The following SPATA17 variants were observed in gnomAD, a reference collection of about 807,000 sequenced individuals.
SPATA17 encodes spermatogenesis associated 17, also known as spermatogenesis-associated protein 17.
SPATA17 carries 53 observed loss-of-function variants against 62.2 expected under a neutral mutation model. The ratio of observed to expected loss-of-function variants is 0.85; its 90% CI spans 0.68 to 1.07. The LOEUF is 1.07. Ranked by LOEUF, SPATA17 falls within the 50% of genes least tolerant of loss-of-function variation. The pLI is 0.00. For missense variants in SPATA17, 466 were observed against 425.5 expected (o/e 1.10, Z -0.84); for synonymous variants, 146 against 146.8 (o/e 0.99, Z 0.04).
intron 9 of SPATA17, among the ~76,000 whole-genome samples, chr1:217,822,542 TA>T (rs1674889088): frequency 2.0e-5 from 3 of 150,702 alleles, no homozygotes; most frequent in African/African-American, 7.3e-5. Context: ...GGAAAAATCT[TA>T]GCCACTATAT....
intron 1 of SPATA17, among the ~76,000 whole-genome samples, chr1:217,639,782 G>A (rs895011437): frequency 6.6e-6 from 1 of 151,944 alleles, no homozygotes; most frequent in Non-Finnish European, 1.5e-5. Flanking sequence ...CATAATAGAG[G>A]TTCTTTTTCC....
chr1:217,748,029 C>T (rs939337854), intron 6 of SPATA17, among the ~76,000 whole-genome samples: 9 of 151,994 alleles, frequency 5.9e-5, no homozygotes, highest in South Asian at 2.1e-4. Flanking sequence ...CTTGGCCGGG[C>T]GCGGTGGCTC....
At chr1:217,754,612 T>A (rs1391759692) in intron 6 of SPATA17, among the ~76,000 whole-genome samples, 3 of 152,186 alleles carry the variant, frequency 2.0e-5, no homozygotes, top group Non-Finnish European at 4.4e-5. Context: ...CAGGTTATGA[T>A]TTATCCTAGC....
chr1:217,636,324 G>A (rs1669939952), intron 1 of SPATA17, among the ~76,000 whole-genome samples: 1 of 152,170 alleles, frequency 6.6e-6, no homozygotes, highest in Non-Finnish European at 1.5e-5. Context: ...TGACTTTGTT[G>A]AGAAAATATA....
At chr1:217,753,359 C>T (rs1672961349) in intron 6 of SPATA17, among the ~76,000 whole-genome samples, 1 of 152,170 alleles carries the variant, frequency 6.6e-6, no homozygotes, top group African/African-American at 2.4e-5. Flanking sequence ...TAATCATCGG[C>T]ACACCAGATT....
At chr1:217,669,287 TA>T (rs1670782209) in intron 4 of SPATA17, among the ~76,000 whole-genome samples, 1 of 152,198 alleles carries the variant, frequency 6.6e-6, no homozygotes, top group African/African-American at 2.4e-5. Context: ...CATGTAATTA[TA>T]AATGCTTATG....
At chr1:217,775,844 G>T (rs1023288900) in intron 7 of SPATA17, among the ~76,000 whole-genome samples, 8 of 151,810 alleles carry the variant, frequency 5.3e-5, no homozygotes, top group African/African-American at 1.9e-4. Context: ...ATATACCAAA[G>T]AAGTGAACAA....
At chr1:217,820,870 T>TA (rs1674840430) in intron 9 of SPATA17, among the ~76,000 whole-genome samples, 1 of 152,078 alleles carries the variant, frequency 6.6e-6, no homozygotes, top group Admixed American at 6.6e-5. Flanking sequence ...AAGACGCTTA[T>TA]TTAGCTCATA....
At chr1:217,712,661 T>G (rs952876557) in intron 5 of SPATA17, among the ~76,000 whole-genome samples, 3 of 152,000 alleles carry the variant, frequency 2.0e-5, no homozygotes, top group Non-Finnish European at 2.9e-5. Flanking sequence ...TTAACTTTCA[T>G]GAAATATTTC....
chr1:217,769,736 G>A (rs1431315610), intron 6 of SPATA17, among the ~76,000 whole-genome samples: 1 of 152,186 alleles, frequency 6.6e-6, no homozygotes. Context: ...GTTCTGACCA[G>A]ATGTATCCTT....
At chr1:217,731,558 C>T (rs1331459589) in intron 5 of SPATA17, among the ~76,000 whole-genome samples, 1 of 152,150 alleles carries the variant, frequency 6.6e-6, no homozygotes, top group East Asian at 1.9e-4. Context: ...GTCTGTTCTC[C>T]CTACTGCTGC....
chr1:217,727,258 A>ATAG (rs1672284572), intron 5 of SPATA17, among the ~76,000 whole-genome samples: 1 of 146,554 alleles, frequency 6.8e-6, no homozygotes, highest in African/African-American at 2.5e-5. Flanking sequence ...AATAATAATA[A>ATAG]TAATAATAAT....
intron 5 of SPATA17, among the ~76,000 whole-genome samples, chr1:217,714,484 G>GTTTTTTTTTTTTTTT (rs1456324571): frequency 4.0e-5 from 5 of 123,998 alleles, no homozygotes; most frequent in Non-Finnish European, 6.9e-5. Flanking sequence ...TGGAAAACGT[G>GTTTTTTTTTTTTTTT]TTTCTTTTTT....
intron 3 of SPATA17, among the ~76,000 whole-genome samples, chr1:217,658,183 G>A (rs778117828): frequency 3.0e-4 from 46 of 152,292 alleles, no homozygotes; most frequent in Admixed American, 3.9e-4. Flanking sequence ...CAGTGTTGGA[G>A]GTGGGGCCTG....
intron 9 of SPATA17, among the ~76,000 whole-genome samples, chr1:217,861,006 T>C (rs1312926338): frequency 1.3e-5 from 2 of 152,154 alleles, no homozygotes; most frequent in Non-Finnish European, 2.9e-5. Context: ...TTCTAGAGTT[T>C]GGAGTATACA....
intron 8 of SPATA17, among the ~76,000 whole-genome samples, chr1:217,796,450 A>G (rs1301509041): frequency 6.6e-6 from 1 of 152,192 alleles, no homozygotes; most frequent in Non-Finnish European, 1.5e-5. Context: ...AGGGAAAAAT[A>G]TCTTTCCAGT....
intron 1 of SPATA17, among the ~76,000 whole-genome samples, chr1:217,636,537 T>C (rs936285582): frequency 3.3e-5 from 5 of 152,102 alleles, no homozygotes; most frequent in East Asian, 1.9e-4. Context: ...TTCAGACTCC[T>C]GAGTAGCTGG....
At chr1:217,641,288 T>C (rs1670056734) in intron 1 of SPATA17, among the ~76,000 whole-genome samples, 2 of 152,268 alleles carry the variant, frequency 1.3e-5, no homozygotes, top group South Asian at 4.1e-4. Context: ...AGCTTTCTTT[T>C]GGAGGCAATC....
At chr1:217,670,460 CCTAGA>C (rs1670807578) in intron 4 of SPATA17, among the ~76,000 whole-genome samples, 1 of 152,162 alleles carries the variant, frequency 6.6e-6, no homozygotes, top group Non-Finnish European at 1.5e-5. Context: ...GTTTCTTTTA[CCTAGA>C]CTAAACATAT....
Sources: gnomAD v4.1 joint callset for allele counts (sites outside exome capture counted in the v4.1 genomes callset) on GRCh38, gnomAD v4.1.1 for gene constraint, MANE v1.5 for transcripts, NCBI Gene and HGNC (gene_info 2026-07-23, HGNC 2026-07-21) for gene names.